Variants in GPC5 observed in about 807,000 individuals in gnomAD.
GPC5 encodes glypican 5, also known as glypican-5.
Under a neutral mutation model 53.9 loss-of-function variants are expected in GPC5, and 47 were observed. The observed-to-expected ratio is 0.87, with a 90% CI of 0.69 to 1.11. The LOEUF (loss-of-function observed/expected upper bound fraction) is 1.11, where lower values mean the gene tolerates loss of function less well. Ranked by LOEUF, GPC5 falls within the 50% of genes most tolerant of loss-of-function variation. The pLI is 0.00. For missense variants in GPC5, 748 were observed against 713.1 expected, an observed-to-expected ratio of 1.05 and a Z score of -0.56; for synonymous variants, 286 against 263.3, an observed-to-expected ratio of 1.09 and a Z score of -0.84.
chr13:91,962,542 G>A (rs988053554), intron 6 of GPC5, among the ~76,000 whole-genome samples: 3 of 151,978 alleles, frequency 2.0e-5, no homozygotes, highest in Non-Finnish European at 2.9e-5. Flanking sequence ...ATTTTGGGGA[G>A]GGTTGTTGCA....
intron 7 of GPC5, among the ~76,000 whole-genome samples, chr13:92,731,987 A>C (rs369871604): frequency 4.0e-5 from 6 of 151,468 alleles, no homozygotes; most frequent in South Asian, 4.2e-4. Context: ...AGATGGTGTA[A>C]AAGTACCATA....
intron 6 of GPC5, among the ~76,000 whole-genome samples, chr13:92,105,963 A>G (rs1046644098): frequency 3.3e-5 from 5 of 151,972 alleles, no homozygotes; most frequent in African/African-American, 1.2e-4. Flanking sequence ...GGAAGAATAC[A>G]GTATTTATGT....
At chr13:92,742,263 T>C (rs1409112476) in intron 7 of GPC5, among the ~76,000 whole-genome samples, 4 of 151,510 alleles carry the variant, frequency 2.6e-5, no homozygotes, top group African/African-American at 9.7e-5. Flanking sequence ...CCTGACTTTT[T>C]AATGATTGCC....
intron 6 of GPC5, among the ~76,000 whole-genome samples, chr13:92,069,862 T>C (rs549713152): frequency 6.6e-6 from 1 of 152,160 alleles, no homozygotes; most frequent in Non-Finnish European, 1.5e-5. Flanking sequence ...GAATTTATAC[T>C]CTAAGTAAAT....
intron 7 of GPC5, among the ~76,000 whole-genome samples, chr13:92,188,625 G>A (rs919864144): frequency 6.6e-6 from 1 of 152,214 alleles, no homozygotes; most frequent in East Asian, 1.9e-4. Context: ...TAATTGAATA[G>A]ATTTAATAAG....
At chr13:92,166,958 A>ATCTCTCTCTCTCTCTCT (rs1566465872) in intron 7 of GPC5, among the ~76,000 whole-genome samples, 8 of 65,528 alleles carry the variant, frequency 1.2e-4, no homozygotes, top group South Asian at 1.6e-3. Context: ...TCTCTCTCTC[A>ATCTCTCTCTCTCTCTCT]CACACACACA....
At chr13:91,668,816 A>G (rs1023472060) in intron 2 of GPC5, among the ~76,000 whole-genome samples, 4 of 152,224 alleles carry the variant, frequency 2.6e-5, no homozygotes, top group African/African-American at 9.6e-5. Flanking sequence ...AATAGGAAAT[A>G]TTTAATAAAT....
chr13:92,114,583 A>G (rs1247089620), intron 6 of GPC5, among the ~76,000 whole-genome samples: 1 of 152,224 alleles, frequency 6.6e-6, no homozygotes, highest in Non-Finnish European at 1.5e-5. Context: ...TGAGTAATCC[A>G]TTGTGATAAA....
At chr13:92,385,706 T>C (rs564892709) in intron 7 of GPC5, among the ~76,000 whole-genome samples, 43 of 144,894 alleles carry the variant, frequency 3.0e-4, no homozygotes, top group African/African-American at 1.1e-3. Context: ...TATACACATA[T>C]ATACACATAT....
chr13:92,528,804 ATTCT>A (rs1401924926), intron 7 of GPC5, among the ~76,000 whole-genome samples: 6 of 151,990 alleles, frequency 3.9e-5, no homozygotes, highest in Non-Finnish European at 8.8e-5. Flanking sequence ...CATTAAAATA[ATTCT>A]TTCTTAATAG....
At chr13:92,676,295 C>A (rs888648738) in intron 7 of GPC5, among the ~76,000 whole-genome samples, 10 of 152,170 alleles carry the variant, frequency 6.6e-5, no homozygotes, top group African/African-American at 2.2e-4. Flanking sequence ...TGTAAGCCTG[C>A]AGACATAATT....
At chr13:92,422,569 A>C (rs1294857976) in intron 7 of GPC5, among the ~76,000 whole-genome samples, 1 of 151,736 alleles carries the variant, frequency 6.6e-6, no homozygotes, top group Non-Finnish European at 1.5e-5. Flanking sequence ...CATTGTAGTC[A>C]TGACGAGAGG....
At chr13:92,279,240 C>T (rs2042896519) in intron 7 of GPC5, among the ~76,000 whole-genome samples, 1 of 151,988 alleles carries the variant, frequency 6.6e-6, no homozygotes, top group South Asian at 2.1e-4. Flanking sequence ...CTTGCACTTC[C>T]TCATCTTACT....
chr13:92,458,813 A>C (rs568721696), intron 7 of GPC5, among the ~76,000 whole-genome samples: 1 of 152,252 alleles, frequency 6.6e-6, no homozygotes, highest in Non-Finnish European at 1.5e-5. Context: ...ATTCTTTATC[A>C]TCCTTATTAC....
intron 5 of GPC5, among the ~76,000 whole-genome samples, chr13:91,882,387 G>T (rs2039273629): frequency 6.6e-6 from 1 of 151,870 alleles, no homozygotes; most frequent in African/African-American, 2.4e-5. Flanking sequence ...AGAGAGACAT[G>T]CTAGTGATTT....
intron 7 of GPC5, among the ~76,000 whole-genome samples, chr13:92,407,516 T>C (rs1187111775): frequency 6.6e-6 from 1 of 152,172 alleles, no homozygotes; most frequent in African/African-American, 2.4e-5. Flanking sequence ...TAAGTCCAAG[T>C]TTATAATAAG....
chr13:92,833,203 A>G (rs977698110), intron 7 of GPC5, among the ~76,000 whole-genome samples: 17 of 152,212 alleles, frequency 1.1e-4, no homozygotes, highest in Non-Finnish European at 2.2e-4. Context: ...GCCAACAGAA[A>G]GAGGGAGGCT....
intron 2 of GPC5, among the ~76,000 whole-genome samples, chr13:91,650,750 G>GTTTTGTTTTTTTTTTTTTT (rs1555333961): frequency 2.6e-4 from 26 of 99,602 alleles, no homozygotes; most frequent in African/African-American, 9.7e-4. Context: ...ATTCCCATAA[G>GTTTTGTTTTTTTTTTTTTT]TTTTTTTTTT....
rs370945079 is a variant in GPC5 at position 91,765,667 on chromosome 13, G to C, written c.1280+9247G>C. Among the ~76,000 whole-genome samples, 18 of 152,258 alleles carry C rather than the reference G, an allele frequency of 1.2e-4. No individual in the cohort carries two copies. In the South Asian group the frequency reaches 3.7e-3, roughly 32 times the overall value. ...CACAAAACACATTCACAGCAAAACA[G>C]GTTTTGAAATAAAAGAAGTGTACAA... On this transcript the variant is annotated intron_variant, in intron 5 of 7. Coordinates refer to ENST00000377067, the MANE Select transcript of GPC5 (RefSeq NM_004466.6).
Sources: allele counts gnomAD v4.1 joint callset (sites outside exome capture counted in the v4.1 genomes callset), GRCh38; gene constraint gnomAD v4.1.1; transcripts MANE v1.5; gene names NCBI Gene and HGNC (gene_info 2026-07-23, HGNC 2026-07-21).